Variants in CSMD2 observed in about 807,000 individuals in gnomAD.
CSMD2 encodes CUB and sushi domain-containing protein 2.
Under a neutral mutation model 398.5 loss-of-function variants are expected in CSMD2, and 130 were observed. The ratio of observed to expected loss-of-function variants is 0.33; its 90% CI spans 0.28 to 0.38. CSMD2 has a LOEUF of 0.38. CSMD2 is among the 10% of genes least tolerant of loss of function. The probability of loss-of-function intolerance (pLI) is 1.00; values close to 1 mark genes in which losing one functional copy is unlikely to be tolerated. For missense variants in CSMD2, 3,829 were observed against 4,764.9 expected (o/e 0.80, Z 5.78); for synonymous variants, 1,828 against 1,908.5 (o/e 0.96, Z 1.10).
At chr1:34,141,327 G>A (rs1289801159) in intron 1 of CSMD2, among the ~76,000 whole-genome samples, 1 of 152,168 alleles carries the variant, frequency 6.6e-6, no homozygotes, top group Non-Finnish European at 1.5e-5. Context: ...AGATAGACAA[G>A]CTCCTTGATC....
chr1:34,067,277 CATT>C (rs1305450249), intron 2 of CSMD2, among the ~76,000 whole-genome samples: 2 of 152,204 alleles, frequency 1.3e-5, no homozygotes, highest in Non-Finnish European at 2.9e-5. Context: ...GACAACAGAG[CATT>C]ATTTGCAAAT....
At chr1:33,654,092 G>A (rs1643881397) in intron 27 of CSMD2, among the ~76,000 whole-genome samples, 1 of 152,176 alleles carries the variant, frequency 6.6e-6, no homozygotes, top group African/African-American at 2.4e-5. Flanking sequence ...GAGCCCTAAT[G>A]TGGCTGAACA....
At chr1:34,015,370 C>G (rs1402099161) in intron 3 of CSMD2, among the ~76,000 whole-genome samples, 1 of 152,172 alleles carries the variant, frequency 6.6e-6, no homozygotes, top group African/African-American at 2.4e-5. Context: ...GTAGATTAAC[C>G]CAAGAACTCT....
chr1:33,869,344 C>T (rs1391137405), intron 5 of CSMD2: 1 of 152,140 alleles, frequency 6.6e-6, no homozygotes, highest in African/African-American at 2.4e-5. Flanking sequence ...CTTGGTATTC[C>T]TTGGAGCAGC....
At chr1:34,047,860 C>T (rs1652715374) in intron 2 of CSMD2, among the ~76,000 whole-genome samples, 1 of 152,184 alleles carries the variant, frequency 6.6e-6, no homozygotes, top group African/African-American at 2.4e-5. Flanking sequence ...TAAAATTGTT[C>T]CCCAACTAAT....
In CSMD2 at chr1:33,945,763, C is replaced by T. The variant is rs1294366880; in HGVS notation, c.518-9809G>A. On this transcript the variant is annotated intron_variant, in intron 3 of 70. Transcript: ENST00000373381. ...GGCACCAGGTCCTTCATCCTGCGGC[C>T]TATGTGAACCTCTCCAGCACCTGCC... 2.6e-5 allele frequency among the ~76,000 whole-genome samples: 4 copies of T among 152,142 alleles called. No homozygotes were observed. The East Asian group carries it at 7.7e-4, about 29-fold the overall frequency.
Position 33,537,605 on chromosome 1 carries a change from C to A in CSMD2, c.9636G>T (p.Val3212=). 6.2e-7 allele frequency: 1 copy of A among 1,612,420 alleles called. No individual in the cohort carries two copies. Among genetic ancestry groups the A allele is most frequent in the South Asian group, 1.1e-5 (1 of 90,810 alleles). Residue 3212 remains valine (V), a synonymous_variant, in exon 61 of 71, where the codon GTG becomes GTT. Transcript: ENST00000373381. This position sits in a 1 kb window ranked among gnomAD's most constrained non-coding sequence, Gnocchi z 4.6. The stretch of plus-strand genomic sequence containing the variant: ...ACGGGACACCAGGATCCCCGCAGAA[C>A]ACAGCTGGGAAGACGAAGGGAGAAA... The part of the protein sequence containing the change: ...WTGELPQCFP[V]FCGDPGVPSR...
chr1:33,689,136 AAG>A (rs982120058), intron 25 of CSMD2, among the ~76,000 whole-genome samples: 5 of 141,410 alleles, frequency 3.5e-5, no homozygotes, highest in Admixed American at 2.8e-4. Context: ...AGGGGAGAGA[AAG>A]GGGGAGGACG....
At chr1:34,095,117 G>T (rs1659124193) in intron 1 of CSMD2, among the ~76,000 whole-genome samples, 1 of 108,162 alleles carries the variant, frequency 9.2e-6, no homozygotes, top group Non-Finnish European at 1.9e-5. Context: ...ACTCAAAACC[G>T]CTCAACTACA....
Position 34,159,337 on chromosome 1 carries a change from CCA to C in CSMD2, c.187+5572_187+5573del, listed in dbSNP as rs1491239846. Reference sequence around the variant, plus strand: ...AATGACTTTACAGCCTGCCCCCCCCCCACCCAGGAGCTTGTGGTGGAAAGGAA... The same window carrying C: ...AATGACTTTACAGCCTGCCCCCCCCCCCCAGGAGCTTGTGGTGGAAAGGAA... On this transcript the variant is annotated intron_variant, in intron 1 of 70. Transcript: ENST00000373381. Among the ~76,000 whole-genome samples, 558 of 91,512 alleles carry C rather than the reference CCA, an allele frequency of 6.1e-3. 29 individuals are homozygous for C. In the East Asian group the frequency reaches 0.13, roughly 22 times the overall value. The allele number at this position is 91,512 out of a possible 152,430, so 60.0% of individuals were successfully genotyped here. A position where few individuals can be genotyped will look rare whatever the true frequency, so the allele number is the denominator to read the frequency against.
chr1:33,705,416 A>G (rs1645742562), intron 22 of CSMD2, among the ~76,000 whole-genome samples: 1 of 152,008 alleles, frequency 6.6e-6, no homozygotes, highest in African/African-American at 2.4e-5. Context: ...CATTCCCTCA[A>G]TCCCCTGGTA....
At chr1:33,648,990 G>A (rs976190012) in intron 28 of CSMD2, among the ~76,000 whole-genome samples, 1 of 152,194 alleles carries the variant, frequency 6.6e-6, no homozygotes, top group African/African-American at 2.4e-5. Context: ...GGTTACAAAA[G>A]TGTCTTGAAC....
chr1:33,572,466 A>T, intron 50 of CSMD2, 40 bp downstream of exon 50: 7 of 1,484,402 alleles, frequency 4.7e-6, no homozygotes, highest in Non-Finnish European at 6.3e-6. Flanking sequence ...CTGCCTACCT[A>T]GCCCTTCCTT....
rs143687453 is a variant in CSMD2, at chr1:33,730,709, A to G, written c.2369-4024T>C. 3.1e-3 allele frequency among the ~76,000 whole-genome samples: 477 copies of G among 152,182 alleles called. 2 individuals are homozygous for G. The highest frequency in any genetic ancestry group is 6.8e-3 in the Middle Eastern group (2 of 294). On this transcript the variant is annotated intron_variant, in intron 15 of 70. Transcript: ENST00000373381. Reference sequence around the variant, plus strand: ...ACTTTGGGACTCTTAGGCATGTCCTATGAATTGGGAAATTATATTAATGGT... The same window carrying G: ...ACTTTGGGACTCTTAGGCATGTCCTGTGAATTGGGAAATTATATTAATGGT...
intron 1 of CSMD2, among the ~76,000 whole-genome samples, chr1:34,145,941 A>G (rs1420981743): frequency 1.3e-5 from 2 of 152,190 alleles, no homozygotes; most frequent in Non-Finnish European, 2.9e-5. Flanking sequence ...AACTCTGCAG[A>G]TGTCCTGAGT....
chr1:33,612,511 T>G (rs921078692), intron 40 of CSMD2, among the ~76,000 whole-genome samples: 4 of 152,166 alleles, frequency 2.6e-5, no homozygotes, highest in African/African-American at 9.7e-5. Flanking sequence ...TACATACAGT[T>G]TTTTACATAA....
intron 47 of CSMD2, among the ~76,000 whole-genome samples, chr1:33,581,407 T>TG (rs1298086589): frequency 7.3e-6 from 1 of 136,576 alleles, no homozygotes; most frequent in African/African-American, 2.7e-5. Flanking sequence ...GTCATGGTGG[T>TG]GCATGCCTGT....
chr1:33,546,007 G>C lies in CSMD2; in HGVS notation c.9100+30C>G, dbSNP rs762051919. 8.2e-6 allele frequency: 13 copies of C among 1,586,364 alleles called. No individual in the cohort carries two copies. In the Admixed American group the frequency reaches 2.2e-4, roughly 27 times the overall value. On this transcript the variant is annotated intron_variant, in intron 57 of 70. Transcript: ENST00000373381. ...GGGGCGAGCTCTGGGGCTGGGCAAA[G>C]GGGAGAAGCAGAATGGTCACATACA...
chr1:33,992,014 C>G (rs1204047832), intron 3 of CSMD2, among the ~76,000 whole-genome samples: 1 of 151,614 alleles, frequency 6.6e-6, no homozygotes, highest in Non-Finnish European at 1.5e-5. Flanking sequence ...AAATGCAAAT[C>G]AAAACAATGA....
Sources: allele counts gnomAD v4.1 joint callset (sites outside exome capture counted in the v4.1 genomes callset), GRCh38; gene constraint gnomAD v4.1.1; non-coding constraint Gnocchi (gnomAD v3.1); transcripts MANE v1.5; gene names NCBI Gene and HGNC (gene_info 2026-07-23, HGNC 2026-07-21).